Variants in NTN1 observed in about 807,000 individuals in gnomAD.
NTN1 encodes the protein netrin 1, also known as netrin-1.
Under a neutral mutation model 54.2 loss-of-function variants are expected in NTN1, and 11 were observed. That is an observed-to-expected ratio of 0.20 (90% CI 0.13 to 0.34). The LOEUF (loss-of-function observed/expected upper bound fraction) is 0.34. NTN1 is among the 10% of genes least tolerant of loss of function. The probability of loss-of-function intolerance (pLI) is 1.00; values close to 1 mark genes in which losing one functional copy is unlikely to be tolerated. For synonymous variants in NTN1, 371 were observed against 382.0 expected (o/e 0.97, Z 0.33); for missense variants, 740 against 893.1 (o/e 0.83, Z 2.18).
At chr17:9,181,790 G>C (rs1427408708) in intron 4 of NTN1, among the ~76,000 whole-genome samples, 1 of 152,126 alleles carries the variant, frequency 6.6e-6, no homozygotes, top group African/African-American at 2.4e-5. Context: ...CTCACCAGGG[G>C]AAGTGAGTCC....
At chr17:9,160,279 T>G (rs549003579) in intron 2 of NTN1, among the ~76,000 whole-genome samples, 1 of 152,010 alleles carries the variant, frequency 6.6e-6, no homozygotes, top group East Asian at 1.9e-4. Flanking sequence ...AATTTTTGTA[T>G]TTTTTAGTAG....
At position 9,096,366 on chromosome 17, in the gene NTN1, C is replaced by CCTTTTTTTTTTTTTTTTTTTTTTTT. The variant is rs55880198; in HGVS notation, c.1019-66447_1019-66446insCTTTTTTTTTTTTTTTTTTTTTTTT. ...TGTCTTCCTGGGTTTTATGGGTAGA[C>CCTTTTTTTTTTTTTTTTTTTTTTTT]TTTTTTTTTTTTTTTTTTTTTTGAG... On this transcript the variant is annotated intron_variant, in intron 2 of 6. Transcript: ENST00000173229. Among the ~76,000 whole-genome samples, 10 of 91,510 alleles carry CCTTTTTTTTTTTTTTTTTTTTTTTT rather than the reference C, an allele frequency of 1.1e-4. 5 individuals carry two copies. The highest frequency in any genetic ancestry group is 1.2e-4 in the Non-Finnish European group (6 of 49,116). The allele number at this position is 91,510 out of a possible 152,430, so 60.0% of individuals were successfully genotyped here. A position where few individuals can be genotyped will look rare whatever the true frequency, so the allele number is the denominator to read the frequency against.
the NTN1 span, among the ~76,000 whole-genome samples, chr17:9,012,155 T>C: frequency 1.3e-5 from 2 of 152,226 alleles, no homozygotes; most frequent in East Asian, 1.9e-4. Flanking sequence ...TGCAAGGCCC[T>C]GCTTGGTCTA....
chr17:9,203,939 G>T, intron 5 of NTN1, among the ~76,000 whole-genome samples: 1 of 152,214 alleles, frequency 6.6e-6, no homozygotes, highest in Middle Eastern at 3.2e-3. Flanking sequence ...CTTGGAAGGG[G>T]AGGGGCTCCT....
chr17:9,074,108 C>T (rs1469306948), intron 2 of NTN1, among the ~76,000 whole-genome samples: 4 of 152,178 alleles, frequency 2.6e-5, no homozygotes, highest in Non-Finnish European at 5.9e-5. Flanking sequence ...CTTTTGGCGC[C>T]AAGAGGGCAC....
Position 9,239,360 on chromosome 17 carries a change from C to T in NTN1, c.1487-280C>T, listed in dbSNP as rs770775033. Among the ~76,000 whole-genome samples, 2 of 152,206 alleles carry T rather than the reference C, an allele frequency of 1.3e-5. No homozygotes were observed. The highest frequency in any genetic ancestry group is 4.8e-5 in the African/African-American group (2 of 41,450). On this transcript the variant is annotated intron_variant, in intron 6 of 6. Coordinates refer to ENST00000173229, the MANE Select transcript of NTN1 (RefSeq NM_004822.3). The surrounding 1 kb of genome is among the most constrained non-coding windows in gnomAD (Gnocchi z 5.2). ...TGGGGGCGTGGTCAGCACCTGTAGG[C>T]TTCCTGGACAAAGTGGGCCTTGACA...
chr17:9,087,129 G>A (rs2092092339), intron 2 of NTN1, among the ~76,000 whole-genome samples: 1 of 152,228 alleles, frequency 6.6e-6, no homozygotes, highest in Admixed American at 6.5e-5. Flanking sequence ...CACAGAGTGA[G>A]TTTCTCAGTG....
intron 2 of NTN1, among the ~76,000 whole-genome samples, chr17:9,133,899 C>G (rs1246794501): frequency 2.3e-5 from 2 of 85,456 alleles, no homozygotes; most frequent in African/African-American, 9.8e-5. Context: ...TGGGCCTAGC[C>G]TTTTTTTTTT....
chr17:9,238,351 G>A (rs1051818564), intron 6 of NTN1, among the ~76,000 whole-genome samples: 1 of 152,196 alleles, frequency 6.6e-6, no homozygotes, highest in African/African-American at 2.4e-5. Flanking sequence ...GGCCCAGCCT[G>A]GGGAATAAAG....
chr17:9,210,193 C>T (rs2142345586), intron 5 of NTN1, among the ~76,000 whole-genome samples: 1 of 152,224 alleles, frequency 6.6e-6, no homozygotes, highest in African/African-American at 2.4e-5. Context: ...TGGGTCCTGC[C>T]TCAGGGCCTT....
At chr17:9,222,222 C>T (rs2142357734) in intron 6 of NTN1, among the ~76,000 whole-genome samples, 2 of 152,356 alleles carry the variant, frequency 1.3e-5, no homozygotes, top group African/African-American at 4.8e-5. Flanking sequence ...CCACATCTGC[C>T]CACCTCCCTC....
At chr17:9,086,362 C>T (rs1388985823) in intron 2 of NTN1, among the ~76,000 whole-genome samples, 2 of 152,106 alleles carry the variant, frequency 1.3e-5, no homozygotes, top group East Asian at 1.9e-4. Context: ...ATAAAACAAA[C>T]AAACATTGAG....
intron 2 of NTN1, among the ~76,000 whole-genome samples, chr17:9,106,467 C>CCCTCCCTTCCTT (rs2092166631): frequency 8.3e-6 from 1 of 120,018 alleles, no homozygotes; most frequent in African/African-American, 3.3e-5. Context: ...CTTCCTTCCT[C>CCCTCCCTTCCTT]CCTTCCTTCC....
At position 9,211,801 on chromosome 17, in the gene NTN1, C is replaced by T. The variant is rs146929594; in HGVS notation, c.1412-9367C>T. On this transcript the variant is annotated intron_variant, in intron 5 of 6. Coordinates refer to ENST00000173229, the MANE Select transcript of NTN1 (RefSeq NM_004822.3). The surrounding 1 kb of genome is among the most constrained non-coding windows in gnomAD (Gnocchi z 4.4). ...AATTTGAGATTGAACATGGGTGCAT[C>T]TCTTTGTTCCCTTTTTATTTCCTCT... Among the ~76,000 whole-genome samples the T allele has an allele frequency of 2.2e-3, 332 of 152,308 alleles. 8 individuals are homozygous for T. The highest frequency in any genetic ancestry group is 0.02 in the Admixed American group (301 of 15,292).
chr17:9,141,169 T>G lies in NTN1; in HGVS notation c.1019-21644T>G, dbSNP rs544636383. ...TCAAAGAAGATGTGGGGACTAGAGATATATATTTGGGAGTCATTTCCCCCC... is the reference window on the plus strand; with the variant it reads ...TCAAAGAAGATGTGGGGACTAGAGAGATATATTTGGGAGTCATTTCCCCCC... On this transcript the variant is annotated intron_variant, in intron 2 of 6. Coordinates refer to ENST00000173229, the MANE Select transcript of NTN1 (RefSeq NM_004822.3). Among the ~76,000 whole-genome samples, 12 of 150,596 alleles carry G rather than the reference T, an allele frequency of 8.0e-5. No individual in the cohort carries two copies. The East Asian group carries it at 2.2e-3, about 28-fold the overall frequency.
intron 2 of NTN1, among the ~76,000 whole-genome samples, chr17:9,096,774 A>C (rs2092133552): frequency 1.3e-5 from 2 of 152,166 alleles, no homozygotes; most frequent in Non-Finnish European, 2.9e-5. Flanking sequence ...AACAATTCTA[A>C]CTAGTAGGGA....
chr17:9,004,802 A>G, the NTN1 span, among the ~76,000 whole-genome samples: 1 of 152,192 alleles, frequency 6.6e-6, no homozygotes, highest in African/African-American at 2.4e-5. Flanking sequence ...GAATCCTGCC[A>G]CTGGGAGAAG....
At chr17:9,159,565 A>G (rs1376590164) in intron 2 of NTN1, among the ~76,000 whole-genome samples, 1 of 152,028 alleles carries the variant, frequency 6.6e-6, no homozygotes, top group Non-Finnish European at 1.5e-5. Flanking sequence ...ACTTTGGGAG[A>G]CCGAGGTGGG....
At position 9,212,462 on chromosome 17, in the gene NTN1, A is replaced by T. The variant is rs1206824200; in HGVS notation, c.1412-8706A>T. On this transcript the variant is annotated intron_variant, in intron 5 of 6. Coordinates refer to ENST00000173229, the MANE Select transcript of NTN1 (RefSeq NM_004822.3). The surrounding 1 kb of genome is among the most constrained non-coding windows in gnomAD (Gnocchi z 5.5). ...ATTCCATGCAGCTTTCTGGTTCTAG[A>T]TCAGGCAGCACCAAACATACTTTCT... Among the ~76,000 whole-genome samples, 1 of 152,180 alleles carries T rather than the reference A, an allele frequency of 6.6e-6. No individual in the cohort carries two copies. The highest frequency in any genetic ancestry group is 1.5e-5 in the Non-Finnish European group (1 of 68,032).
Sources: gnomAD v4.1 joint callset for allele counts (sites outside exome capture counted in the v4.1 genomes callset) on GRCh38, gnomAD v4.1.1 for gene constraint, Gnocchi (gnomAD v3.1) non-coding constraint, MANE v1.5 for transcripts, NCBI Gene and HGNC (gene_info 2026-07-23, HGNC 2026-07-21) for gene names.